CSMD1: variants seen among roughly 807,000 people sequenced by gnomAD.
CSMD1 encodes CUB and sushi domain-containing protein 1.
In CSMD1, 213 loss-of-function variants were observed where a neutral mutation model predicts 417.5. That is an observed-to-expected ratio of 0.51 (90% CI 0.46 to 0.57). The LOEUF is 0.57. CSMD1 is among the 20% of genes least tolerant of loss of function. CSMD1 has a pLI of 0.00. For synonymous variants in CSMD1, 2,862 were observed against 1,736.8 expected (o/e 1.65, Z -16.11); for missense variants, 6,923 against 4,529.7 (o/e 1.53, Z -15.17).
chr8:3,606,494 A>C (rs529517421), intron 8 of CSMD1, among the ~76,000 whole-genome samples: 89 of 104,116 alleles, frequency 8.5e-4, no homozygotes, highest in African/African-American at 2.8e-3. Context: ...AAGATGTCTC[A>C]TTCATATAGG....
rs56014484 is a variant in CSMD1 at position 3,808,644 on chromosome 8, G to T, written c.819-54602C>A. Among the ~76,000 whole-genome samples, 1,080 of 152,210 alleles carry T rather than the reference G, an allele frequency of 7.1e-3. 10 individuals carry two copies. The highest frequency in any genetic ancestry group is 0.014 in the Middle Eastern group (4 of 294). On this transcript the variant is annotated intron_variant, in intron 5 of 69. Coordinates refer to ENST00000635120, the MANE Select transcript of CSMD1 (RefSeq NM_033225.6). ...CTATTGCATCAGAGATAGTTCCTGA[G>T]CCCAAGGGACTTAGGTCTTGTTTGT...
At chr8:3,897,479 T>C (rs1472860168) in intron 5 of CSMD1, among the ~76,000 whole-genome samples, 1 of 152,208 alleles carries the variant, frequency 6.6e-6, no homozygotes, top group East Asian at 1.9e-4. Flanking sequence ...ACTAAATTTT[T>C]ATTTATGATC....
At chr8:3,670,991 G>GAT (rs1356105256) in intron 7 of CSMD1, among the ~76,000 whole-genome samples, 3 of 129,646 alleles carry the variant, frequency 2.3e-5, no homozygotes, top group Non-Finnish European at 3.3e-5. Flanking sequence ...ATGTATATGG[G>GAT]ATATATATGT....
chr8:2,954,275 G>C lies in CSMD1; in HGVS notation c.9995-7C>G. 1.4e-6 allele frequency: 2 copies of C among 1,427,304 alleles called. No individual in the cohort carries two copies. The highest frequency in any genetic ancestry group is 4.7e-5 in the Admixed American group (2 of 42,118). The allele number at this position is 1,427,304 out of a possible 1,614,324, so 88.4% of individuals were successfully genotyped here. A position where few individuals can be genotyped will look rare whatever the true frequency, so the allele number is the denominator to read the frequency against. On this transcript the variant is annotated splice_region_variant and splice_polypyrimidine_tract_variant and intron_variant, in intron 64 of 69. Transcript: ENST00000635120. ...ACTTCTCTCACTCCTTTACCTACAA[G>C]TAAAAAGACAAATTATCATTTTAAA...
chr8:4,240,226 G>T (rs1802309866), intron 3 of CSMD1, among the ~76,000 whole-genome samples: 1 of 152,248 alleles, frequency 6.6e-6, no homozygotes, highest in Non-Finnish European at 1.5e-5. Context: ...GCAGAGCGTA[G>T]CTTGTGCTAA....
chr8:3,200,573 A>ATAC (rs1796941879), intron 32 of CSMD1, among the ~76,000 whole-genome samples: 1 of 150,908 alleles, frequency 6.6e-6, no homozygotes, highest in African/African-American at 2.4e-5. Context: ...AAAAATAATA[A>ATAC]TAATAATAAT....
At chr8:4,464,297 C>G (rs1320271700) in intron 2 of CSMD1, among the ~76,000 whole-genome samples, 1 of 151,844 alleles carries the variant, frequency 6.6e-6, no homozygotes, top group Non-Finnish European at 1.5e-5. Flanking sequence ...TGTATGCATG[C>G]AATGGACAGA....
In CSMD1 at chr8:4,890,329, C is replaced by G. The variant is rs191400178; in HGVS notation, c.85+104003G>C. 7.0e-4 allele frequency among the ~76,000 whole-genome samples: 106 copies of G among 152,208 alleles called. 1 individual carries two copies. Among genetic ancestry groups the G allele is most frequent in the Admixed American group, 4.4e-3 (68 of 15,304 alleles). ...GAAAAGGAGAGAGAACCTCCAGGTT[C>G]CTATGGATTAGAGTAGGAAGGCACA... On this transcript the variant is annotated intron_variant, in intron 1 of 69. Coordinates refer to ENST00000635120, the MANE Select transcript of CSMD1 (RefSeq NM_033225.6).
chr8:4,274,504 T>C (rs1378182948), intron 3 of CSMD1, among the ~76,000 whole-genome samples: 1 of 152,170 alleles, frequency 6.6e-6, no homozygotes, highest in African/African-American at 2.4e-5. Flanking sequence ...AATAACTGTT[T>C]CTTTAATATT....
At chr8:4,159,402 G>A (rs561847512) in intron 3 of CSMD1, among the ~76,000 whole-genome samples, 1 of 152,166 alleles carries the variant, frequency 6.6e-6, no homozygotes, top group Non-Finnish European at 1.5e-5. Flanking sequence ...GAGGGGAAAA[G>A]AAGTCATTAT....
At chr8:3,705,821 G>C (rs370878850) in intron 7 of CSMD1, among the ~76,000 whole-genome samples, 2 of 152,186 alleles carry the variant, frequency 1.3e-5, no homozygotes, top group African/African-American at 2.4e-5. Context: ...AGCAGAAGTG[G>C]AGAGACTCAA....
chr8:3,110,354 A>G lies in CSMD1; in HGVS notation c.6431-19T>C, dbSNP rs766477118. The G allele has an allele frequency of 1.3e-6, 2 of 1,581,368 alleles. No homozygotes were observed. The highest frequency in any genetic ancestry group is 1.8e-5 in the Admixed American group (1 of 54,700). On this transcript the variant is annotated intron_variant, in intron 42 of 69. Transcript: ENST00000635120. ...CAAGGGGCTGCAAAGGAAACCAAGAAAAAACAAGCGCCATACAGCTGATTT... is the reference window on the plus strand; with the variant it reads ...CAAGGGGCTGCAAAGGAAACCAAGAGAAAACAAGCGCCATACAGCTGATTT...
At chr8:4,251,166 G>A (rs1451378665) in intron 3 of CSMD1, among the ~76,000 whole-genome samples, 1 of 152,066 alleles carries the variant, frequency 6.6e-6, no homozygotes, top group East Asian at 1.9e-4. Context: ...CAAGGCCAAT[G>A]AAGAAAGGAA....
chr8:3,502,216 T>C (rs1415018936), intron 10 of CSMD1, among the ~76,000 whole-genome samples: 1 of 151,728 alleles, frequency 6.6e-6, no homozygotes, highest in Admixed American at 6.6e-5. Flanking sequence ...TATAAAAAAA[T>C]TAGCCGGGCA....
chr8:3,854,460 T>G (rs912789564), intron 5 of CSMD1, among the ~76,000 whole-genome samples: 23 of 152,154 alleles, frequency 1.5e-4, no homozygotes, highest in African/African-American at 4.8e-4. Flanking sequence ...TCAAAATTAC[T>G]TGGCACACGT....
chr8:3,498,041 A>G (rs1402201415), intron 10 of CSMD1, among the ~76,000 whole-genome samples: 1 of 152,020 alleles, frequency 6.6e-6, no homozygotes, highest in Admixed American at 6.6e-5. Context: ...TATTCTTACA[A>G]CTCTAATGTA....
chr8:4,915,947 C>A (rs1806039637), intron 1 of CSMD1, among the ~76,000 whole-genome samples: 1 of 152,180 alleles, frequency 6.6e-6, no homozygotes, highest in African/African-American at 2.4e-5. Context: ...AGTGGCATCT[C>A]TTCCACAGGA....
intron 1 of CSMD1, among the ~76,000 whole-genome samples, chr8:4,648,202 C>T (rs891421174): frequency 6.6e-6 from 1 of 152,224 alleles, no homozygotes. Context: ...TTGTTGGACA[C>T]ATAAATGTCT....
intron 2 of CSMD1, among the ~76,000 whole-genome samples, chr8:4,541,874 G>C (rs1797404176): frequency 1.3e-5 from 2 of 152,120 alleles, no homozygotes; most frequent in South Asian, 2.1e-4. Context: ...CCAGGGAAGG[G>C]ATGGAGGCTG....
Sources: gnomAD v4.1 joint callset for allele counts (sites outside exome capture counted in the v4.1 genomes callset) on GRCh38, gnomAD v4.1.1 for gene constraint, MANE v1.5 for transcripts, NCBI Gene and HGNC (gene_info 2026-07-23, HGNC 2026-07-21) for gene names.